Variants in VPS13D observed in about 807,000 individuals in gnomAD.
The protein encoded by VPS13D is vacuolar protein sorting 13 homolog D, also known as intermembrane lipid transfer protein VPS13D.
VPS13D carries 187 observed loss-of-function variants against 461.9 expected under a neutral mutation model. That is an observed-to-expected ratio of 0.40 (90% CI 0.36 to 0.46). The LOEUF (loss-of-function observed/expected upper bound fraction) is 0.46. VPS13D is among the 20% of genes least tolerant of loss of function. The pLI, the probability that VPS13D is intolerant of heterozygous loss-of-function variation, is 0.60. For missense variants in VPS13D, 4,711 were observed against 5,364.9 expected (o/e 0.88, Z 3.81); for synonymous variants, 1,951 against 1,986.3 (o/e 0.98, Z 0.47).
chr1:12,358,279 T>TA (rs1199348694), intron 49 of VPS13D, among the ~76,000 whole-genome samples, 180 bp from the exon 50 acceptor site: 1 of 152,238 alleles, frequency 6.6e-6, no homozygotes, highest in African/African-American at 2.4e-5. Flanking sequence ...GCCTCTAAGA[T>TA]ACAGCTTTAA....
chr1:12,510,437 A>G lies in VPS13D; in HGVS notation c.*1413A>G, dbSNP rs949711064. 6.6e-6 allele frequency: 1 copy of G among 152,262 alleles called. No homozygotes were observed. The highest frequency in any genetic ancestry group is 2.4e-5 in the African/African-American group (1 of 41,532). 9.4% of individuals were successfully genotyped at this position (152,262 alleles called of 1,614,324 possible). A position where few individuals can be genotyped will look rare whatever the true frequency, so the allele number is the denominator to read the frequency against. ...ATGCGTGGAAGGTTTTGGTGTTTAT[A>G]ACTCATGACCCAAATCCTTCCAAGA... is the stretch of plus-strand genomic sequence containing the variant. On this transcript the variant is annotated 3_prime_UTR_variant, in exon 70 of 70. Transcript: ENST00000620676.
rs1643106388 is a variant in VPS13D at position 12,323,776 on chromosome 1, TC to T, written c.7987del (p.Gln2663LysfsTer4). On this transcript the variant is annotated frameshift_variant, in exon 35 of 70. Coordinates refer to ENST00000620676, the MANE Select transcript of VPS13D (RefSeq NM_015378.4). LOFTEE classifies it high-confidence loss of function. ...DDCRKALLAC[Q>X]GQLKKAASWL... ...ATTGTCGCAAAGCTCTTTTGGCGTGTCAAGGTAATTTGAACAGGGTTCTGTT... is the reference window on the plus strand; with the variant it reads ...ATTGTCGCAAAGCTCTTTTGGCGTGTAAGGTAATTTGAACAGGGTTCTGTT... The T allele has an allele frequency of 6.2e-7, 1 of 1,613,980 alleles. No individual in the cohort carries two copies. Among genetic ancestry groups the T allele is most frequent in the African/African-American group, 1.3e-5 (1 of 74,936 alleles).
At chr1:12,239,354 G>T (rs2101191874) in intron 2 of VPS13D, among the ~76,000 whole-genome samples, 1 of 152,284 alleles carries the variant, frequency 6.6e-6, no homozygotes, top group East Asian at 1.9e-4. Flanking sequence ...GCCAAGGCTG[G>T]TCTTGAATTC....
intron 29 of VPS13D, among the ~76,000 whole-genome samples, chr1:12,312,874 G>A (rs1292847999): frequency 3.3e-5 from 5 of 152,206 alleles, no homozygotes; most frequent in East Asian, 1.9e-4. Context: ...ATCTGGAAGC[G>A]GAGTAGCAAT....
chr1:12,361,403 A>ATTTTT (rs1297978975), intron 50 of VPS13D, among the ~76,000 whole-genome samples: 180 of 134,002 alleles, frequency 1.3e-3, no homozygotes, highest in African/African-American at 4.5e-3. Flanking sequence ...TTATTTATTT[A>ATTTTT]TTTTTTTTTT....
At chr1:12,267,292 GT>G (rs1641302304) in intron 14 of VPS13D, among the ~76,000 whole-genome samples, 1 of 152,104 alleles carries the variant, frequency 6.6e-6, no homozygotes, top group Admixed American at 6.6e-5. Context: ...CAATGTTTGG[GT>G]TTCCTCTGTA....
intron 1 of VPS13D, among the ~76,000 whole-genome samples, chr1:12,231,128 C>G (rs923214966): frequency 6.6e-6 from 1 of 152,250 alleles, no homozygotes; most frequent in Non-Finnish European, 1.5e-5. Context: ...TCATGCCCGG[C>G]TGTCTGCCCG....
At chr1:12,345,544 A>T in intron 43 of VPS13D, 35 bp downstream of exon 43, 1 of 1,591,428 alleles carries the variant, frequency 6.3e-7, no homozygotes. Context: ...TGGTTAAGCG[A>T]CTGTCAGGAA....
At chr1:12,266,809 ATATC>A (rs1641282857) in intron 13 of VPS13D, 68 bp from the exon 14 acceptor site, 2 of 1,270,348 alleles carry the variant, frequency 1.6e-6, no homozygotes, top group South Asian at 2.0e-5. Flanking sequence ...GTAAAATAGA[ATATC>A]TAATATTTTC....
At chr1:12,478,276 C>T (rs1270439206) in intron 67 of VPS13D, among the ~76,000 whole-genome samples, 1 of 152,250 alleles carries the variant, frequency 6.6e-6, no homozygotes, top group African/African-American at 2.4e-5. Flanking sequence ...CCGCGTGGGC[C>T]GGCCCAGGCC....
intron 63 of VPS13D, among the ~76,000 whole-genome samples, chr1:12,412,144 A>T (rs114356339): frequency 6.6e-6 from 1 of 152,226 alleles, no homozygotes; most frequent in Non-Finnish European, 1.5e-5. Context: ...ACAATTAAAC[A>T]TTATTGTGAA....
chr1:12,498,536 A>G (rs559830243), intron 68 of VPS13D, among the ~76,000 whole-genome samples: 2 of 152,330 alleles, frequency 1.3e-5, no homozygotes, highest in South Asian at 4.1e-4. Context: ...GCCGGATAGA[A>G]TGGCATCTTC....
intron 58 of VPS13D, 143 bp downstream of exon 58, chr1:12,383,298 T>A: frequency 1.1e-6 from 1 of 869,966 alleles, no homozygotes; most frequent in Non-Finnish European, 1.7e-6. Flanking sequence ...GGATAGGATC[T>A]ACCTCACAAA....
At chr1:12,326,886 G>A (rs1411809821) in intron 35 of VPS13D, among the ~76,000 whole-genome samples, 3 of 151,940 alleles carry the variant, frequency 2.0e-5, no homozygotes, top group African/African-American at 7.3e-5. Context: ...CTCATGATCT[G>A]TCCGCCTTGG....
intron 67 of VPS13D, chr1:12,465,171 G>A (rs1286055232): frequency 6.6e-6 from 1 of 152,244 alleles, no homozygotes; most frequent in Admixed American, 6.5e-5. Flanking sequence ...AGAAAGGAAT[G>A]TCTGCCTCTG....
At position 12,358,437 on chromosome 1, in the gene VPS13D, T is replaced by A. The variant is rs376176150; in HGVS notation, c.9999-22T>A. 30 of 1,613,254 alleles carry A rather than the reference T, an allele frequency of 1.9e-5. No homozygotes were observed. In the African/African-American group the frequency reaches 3.2e-4, roughly 17 times the overall value. Reference sequence around the variant, plus strand: ...ACTTTCTTGTGGATGAATATCTACATCTTTGCTTTTCTGCCCCACAGCTGC... The same window carrying A: ...ACTTTCTTGTGGATGAATATCTACAACTTTGCTTTTCTGCCCCACAGCTGC... On this transcript the variant is annotated intron_variant, in intron 49 of 69. Coordinates refer to ENST00000620676, the MANE Select transcript of VPS13D (RefSeq NM_015378.4).
chr1:12,472,001 A>G (rs1052592169), intron 67 of VPS13D, among the ~76,000 whole-genome samples: 1 of 152,196 alleles, frequency 6.6e-6, no homozygotes, highest in African/African-American at 2.4e-5. Context: ...TGAGTAATTT[A>G]TTGGTTTCTA....
intron 21 of VPS13D, among the ~76,000 whole-genome samples, chr1:12,287,748 A>G (rs1642014890): frequency 6.6e-6 from 1 of 152,150 alleles, no homozygotes. Context: ...AAAATCTTTG[A>G]TTATGGCTTT....
chr1:12,234,484 A>C, intron 2 of VPS13D, 121 bp downstream of exon 2: 3 of 662,542 alleles, frequency 4.5e-6, no homozygotes, highest in Non-Finnish European at 7.5e-6. Context: ...AATGTATGTA[A>C]AAAGGTCCCA....
Sources: gnomAD v4.1 joint callset for allele counts (sites outside exome capture counted in the v4.1 genomes callset) on GRCh38, gnomAD v4.1.1 for gene constraint, MANE v1.5 for transcripts, NCBI Gene and HGNC (gene_info 2026-07-23, HGNC 2026-07-21) for gene names.